Variants in USP43 observed in about 807,000 individuals in gnomAD.
USP43 encodes ubiquitin specific peptidase 43.
A neutral mutation model predicts 90.7 loss-of-function variants in USP43; 33 were observed. That is an observed-to-expected ratio of 0.36 (90% CI 0.28 to 0.49). USP43 has a LOEUF of 0.49. USP43 is among the 20% of genes least tolerant of loss of function. The pLI, the probability that USP43 is intolerant of heterozygous loss-of-function variation, is 0.98. For missense variants in USP43, 1,274 were observed against 1,476.4 expected (o/e 0.86, Z 2.25); for synonymous variants, 598 against 615.8 (o/e 0.97, Z 0.43).
rs771482121 is a variant in USP43, at chr17:9,669,018, T to TA, written c.740+2269dup. On this transcript the variant is annotated intron_variant, in intron 3 of 14. Transcript: ENST00000285199. ...GCCTGGCTAATTTTTTTTTTTTTTT[T>TA]AATTTTTAGTAGAGATGGGGTTTTA... Among the ~76,000 whole-genome samples the TA allele has an allele frequency of 4.7e-4, 70 of 150,506 alleles. 1 individual carries two copies. Among genetic ancestry groups the TA allele is most frequent in the African/African-American group, 1.4e-3 (59 of 40,810 alleles).
intron 2 of USP43, among the ~76,000 whole-genome samples, chr17:9,663,066 C>T (rs1424251370): frequency 6.6e-6 from 1 of 151,972 alleles, no homozygotes; most frequent in Non-Finnish European, 1.5e-5. Flanking sequence ...AATCCACTCA[C>T]CTCGGCTTCC....
At chr17:9,715,199 G>T (rs79253912) in intron 14 of USP43, among the ~76,000 whole-genome samples, 2 of 152,178 alleles carry the variant, frequency 1.3e-5, no homozygotes, top group Non-Finnish European at 2.9e-5. Flanking sequence ...GTCAGATCAC[G>T]CCTGGAACCC....
At chr17:9,699,911 T>G (rs1398395297) in intron 9 of USP43, among the ~76,000 whole-genome samples, 1 of 152,164 alleles carries the variant, frequency 6.6e-6, no homozygotes, top group Admixed American at 6.5e-5. Context: ...ATCTATTTCC[T>G]CAAAGTAACC....
At chr17:9,715,815 G>A (rs1287242410) in intron 14 of USP43, among the ~76,000 whole-genome samples, 1 of 151,046 alleles carries the variant, frequency 6.6e-6, no homozygotes, top group African/African-American at 2.4e-5. Context: ...GTATCTGTGT[G>A]TCTCTGTGTG....
At chr17:9,652,587 TC>T (rs1911951616) in intron 1 of USP43, among the ~76,000 whole-genome samples, 1 of 152,110 alleles carries the variant, frequency 6.6e-6, no homozygotes, top group Admixed American at 6.6e-5. Context: ...GGGTTCAATC[TC>T]CTGACCTCGT....
chr17:9,656,094 G>C (rs1333557144), intron 1 of USP43, among the ~76,000 whole-genome samples: 2 of 152,156 alleles, frequency 1.3e-5, no homozygotes, highest in Non-Finnish European at 2.9e-5. Flanking sequence ...CGGTGGGTCA[G>C]ATGGTCAACA....
intron 14 of USP43, among the ~76,000 whole-genome samples, chr17:9,716,914 T>C (rs1916601242): frequency 6.6e-6 from 1 of 152,214 alleles, no homozygotes; most frequent in South Asian, 2.1e-4. Context: ...GGTGGGAGGA[T>C]CACCTGAGGT....
intron 12 of USP43, among the ~76,000 whole-genome samples, chr17:9,705,297 T>C (rs1187876791): frequency 6.6e-6 from 1 of 152,056 alleles, no homozygotes; most frequent in African/African-American, 2.4e-5. Context: ...CTGGCTTTTT[T>C]TTTTTTTTCT....
intron 8 of USP43, among the ~76,000 whole-genome samples, chr17:9,692,255 A>G (rs959991939): frequency 1.3e-5 from 2 of 151,320 alleles, no homozygotes; most frequent in Non-Finnish European, 2.9e-5. Context: ...GCTACTCAGG[A>G]GGCTGAGGCA....
intron 13 of USP43, 68 bp downstream of exon 13, chr17:9,710,182 A>C: frequency 4.8e-5 from 65 of 1,352,908 alleles, no homozygotes; most frequent in South Asian, 6.8e-5. Flanking sequence ...GAAGAGGCTC[A>C]GTTGAACATC....
intron 3 of USP43, among the ~76,000 whole-genome samples, chr17:9,667,627 A>G (rs991991891): frequency 6.6e-6 from 1 of 152,184 alleles, no homozygotes; most frequent in Non-Finnish European, 1.5e-5. Context: ...TGGCCTCTGC[A>G]GGATGAATAG....
intron 14 of USP43, among the ~76,000 whole-genome samples, chr17:9,726,774 C>T (rs897520924): frequency 4.6e-5 from 7 of 152,124 alleles, no homozygotes; most frequent in Non-Finnish European, 1.0e-4. Context: ...AGTGGCCACC[C>T]GTGGGGCAGA....
chr17:9,656,233 C>T (rs1293987426), intron 1 of USP43, among the ~76,000 whole-genome samples, 170 bp from the exon 2 acceptor site: 1 of 152,140 alleles, frequency 6.6e-6, no homozygotes, highest in Non-Finnish European at 1.5e-5. Flanking sequence ...GACATTGCCC[C>T]AAAAGGACGG....
chr17:9,728,283 G>A lies in USP43; in HGVS notation c.2665G>A (p.Gly889Arg), dbSNP rs368405871. Residue 889 changes from glycine (G) to arginine (R), a missense_variant, in exon 15 of 15, where the codon GGG becomes AGG. Physicochemically the swap from Gly to Arg is moderately radical, Grantham distance 125 (BLOSUM62 -2). Transcript: ENST00000285199. The surrounding 1 kb of genome is among the most constrained non-coding windows in gnomAD (Gnocchi z 6.2). ...GGRAIERGPAGVPCPSAQPNH... is the reference protein window; with the variant it reads ...GGRAIERGPARVPCPSAQPNH... Reference sequence around the variant, plus strand: ...GCGGGCCATTGAAAGAGGTCCAGCCGGGGTGCCCTGTCCCTCGGCTCAACC... The same window carrying A: ...GCGGGCCATTGAAAGAGGTCCAGCCAGGGTGCCCTGTCCCTCGGCTCAACC... 42 of 1,613,156 alleles carry A rather than the reference G, an allele frequency of 2.6e-5. 1 individual carries two copies. The highest frequency in any genetic ancestry group is 2.4e-4 in the South Asian group (22 of 90,932).
intron 14 of USP43, among the ~76,000 whole-genome samples, chr17:9,725,008 A>G (rs912971028): frequency 6.6e-6 from 1 of 152,130 alleles, no homozygotes; most frequent in Non-Finnish European, 1.5e-5. Context: ...GGATTGATGC[A>G]TACTTCATTG....
At chr17:9,690,596 A>G (rs967773270) in intron 8 of USP43, among the ~76,000 whole-genome samples, 1 of 152,168 alleles carries the variant, frequency 6.6e-6, no homozygotes, top group African/African-American at 2.4e-5. Context: ...TTAAAAAACT[A>G]AAATGTTGCC....
intron 14 of USP43, among the ~76,000 whole-genome samples, chr17:9,724,009 CGTTTCATCT>C (rs1449807760): frequency 2.0e-5 from 3 of 152,264 alleles, no homozygotes; most frequent in African/African-American, 7.2e-5. Context: ...TAAGCTGTCA[CGTTTCATCT>C]GTTTCATCAG....
At position 9,681,151 on chromosome 17, in the gene USP43, AAT is replaced by A. The variant is rs1491164724; in HGVS notation, c.1105+791_1105+792del. ...ATATACTATATAATATATACTATAT[AAT>A]ATATACTATATAATATATACTATAT... On this transcript the variant is annotated intron_variant, in intron 6 of 14. Coordinates refer to ENST00000285199, the MANE Select transcript of USP43 (RefSeq NM_153210.5). Among the ~76,000 whole-genome samples, 133 of 92,774 alleles carry A rather than the reference AAT, an allele frequency of 1.4e-3. 1 individual carries two copies. The highest frequency in any genetic ancestry group is 2.5e-3 in the Admixed American group (17 of 6,712). 60.9% of individuals were successfully genotyped at this position (92,774 alleles called of 152,430 possible).
intron 5 of USP43, among the ~76,000 whole-genome samples, chr17:9,677,562 G>A (rs1390135837): frequency 1.3e-5 from 2 of 152,190 alleles, no homozygotes; most frequent in African/African-American, 2.4e-5. Context: ...ACAGTGCCTG[G>A]AGGGGCCCTC....
Sources: gnomAD v4.1 joint callset for allele counts (sites outside exome capture counted in the v4.1 genomes callset) on GRCh38, gnomAD v4.1.1 for gene constraint, Gnocchi (gnomAD v3.1) non-coding constraint, MANE v1.5 for transcripts, NCBI Gene and HGNC (gene_info 2026-07-23, HGNC 2026-07-21) for gene names.